Variants in KDM2B observed in about 807,000 individuals in gnomAD.
KDM2B encodes the protein lysine-specific demethylase 2B.
A neutral mutation model predicts 150.0 loss-of-function variants in KDM2B; 26 were observed. The ratio of observed to expected loss-of-function variants is 0.17; its 90% CI spans 0.13 to 0.24. KDM2B has a LOEUF of 0.24. Ranked by LOEUF, KDM2B falls within the 10% of genes least tolerant of loss-of-function variation. KDM2B has a pLI of 1.00. For missense variants in KDM2B, 1,265 were observed against 1,816.9 expected (o/e 0.70, Z 5.52); for synonymous variants, 734 against 729.5 (o/e 1.01, Z -0.10).
chr12:121,467,268 C>G lies in KDM2B; in HGVS notation c.1735-13924G>C. ...GACATGGCTGGAGCGGCGCCGCCGC[C>G]GCCGCCCGCCCGGAGCAGGCTCGGC... On this transcript the variant is annotated intron_variant, in intron 12 of 22. Coordinates refer to ENST00000377071, the MANE Select transcript of KDM2B (RefSeq NM_032590.5). This position sits in a 1 kb window ranked among gnomAD's most constrained non-coding sequence, Gnocchi z 5.1. 2 of 987,494 alleles carry G rather than the reference C, an allele frequency of 2.0e-6. No individual in the cohort carries two copies. The highest frequency in any genetic ancestry group is 2.4e-6 in the Non-Finnish European group (2 of 831,670). The allele number at this position is 987,494 out of a possible 1,614,324, so 61.2% of individuals were successfully genotyped here.
chr12:121,494,752 A>G, intron 11 of KDM2B, 87 bp from the exon 12 acceptor site: 1 of 985,710 alleles, frequency 1.0e-6, no homozygotes, highest in South Asian at 1.7e-5. Context: ...TCCAGCAAGG[A>G]TCACACTCCA....
intron 17 of KDM2B, 133 bp from the exon 18 acceptor site, chr12:121,443,163 A>T: frequency 1.2e-6 from 1 of 814,684 alleles, no homozygotes; most frequent in African/African-American, 1.7e-5. Flanking sequence ...CACAAATGCC[A>T]TCTCCACGTC....
intron 12 of KDM2B, among the ~76,000 whole-genome samples, chr12:121,489,585 G>A (rs57304385): frequency 0.026 from 3,984 of 152,206 alleles, 162 homozygotes; most frequent in East Asian, 0.081. Context: ...GACTACAGGC[G>A]CCTGCCACCA....
intron 6 of KDM2B, among the ~76,000 whole-genome samples, chr12:121,538,960 C>T (rs1234660099): frequency 6.6e-6 from 1 of 152,070 alleles, no homozygotes; most frequent in Non-Finnish European, 1.5e-5. Context: ...CTCAAGGTCA[C>T]CAGAGTCCCC....
At chr12:121,439,380 C>CTTTT (rs530764831) in intron 22 of KDM2B, among the ~76,000 whole-genome samples, 1 of 129,570 alleles carries the variant, frequency 7.7e-6, no homozygotes. Flanking sequence ...CCAATGGTAA[C>CTTTT]TTTTTTTTTT....
chr12:121,495,180 T>C (rs1293951059), intron 11 of KDM2B, among the ~76,000 whole-genome samples: 2 of 151,406 alleles, frequency 1.3e-5, no homozygotes, highest in African/African-American at 2.4e-5. Flanking sequence ...TTTTTTTTTT[T>C]AGACAAAGTC....
intron 4 of KDM2B, among the ~76,000 whole-genome samples, chr12:121,570,911 C>T (rs1487406622): frequency 6.6e-6 from 1 of 152,118 alleles, no homozygotes; most frequent in Non-Finnish European, 1.5e-5. Flanking sequence ...AAAGTAGAAA[C>T]AACCAAAATG....
chr12:121,442,957 A>T lies in KDM2B; in HGVS notation c.2604+35T>A, dbSNP rs1555288983. 7 of 1,611,486 alleles carry T rather than the reference A, an allele frequency of 4.3e-6. No individual in the cohort carries two copies. In the South Asian group the frequency reaches 7.7e-5, roughly 18 times the overall value. On this transcript the variant is annotated intron_variant, in intron 18 of 22. Coordinates refer to ENST00000377071, the MANE Select transcript of KDM2B (RefSeq NM_032590.5). This position sits in a 1 kb window ranked among gnomAD's most constrained non-coding sequence, Gnocchi z 7.7. ...AGCTGCGGTGCAGCTCTAACCGCTCAGGCCTGGGGCACAGGAGGGAGGGGA... is the reference window on the plus strand; with the variant it reads ...AGCTGCGGTGCAGCTCTAACCGCTCTGGCCTGGGGCACAGGAGGGAGGGGA...
chr12:121,417,709 T>C, the KDM2B span: 1 of 1,614,228 alleles, frequency 6.2e-7, no homozygotes, highest in East Asian at 2.2e-5. The surrounding 1 kb of genome is among the most constrained non-coding windows in gnomAD (Gnocchi z 5.0). Flanking sequence ...GAAGACTTGG[T>C]GGATCTAGTA....
At chr12:121,435,443 T>C (rs1247264654) in intron 22 of KDM2B, among the ~76,000 whole-genome samples, 1 of 152,214 alleles carries the variant, frequency 6.6e-6, no homozygotes. Flanking sequence ...GGTGTTTAGT[T>C]GTGATTTCTC....
At chr12:121,553,391 A>G (rs967295376) in intron 4 of KDM2B, among the ~76,000 whole-genome samples, 1 of 152,102 alleles carries the variant, frequency 6.6e-6, no homozygotes, top group Non-Finnish European at 1.5e-5. Context: ...AATAGGATAA[A>G]GAGCACTAAA....
chr12:121,441,061 A>G lies in KDM2B; in HGVS notation c.3448+9T>C. ...CAGACACACTCGGGGCCACTGGCCC[A>G]GGGCTCACCAGGCAGCCGGTTGATG... On this transcript the variant is annotated intron_variant, in intron 20 of 22. Coordinates refer to ENST00000377071, the MANE Select transcript of KDM2B (RefSeq NM_032590.5). The G allele has an allele frequency of 6.2e-7, 1 of 1,614,050 alleles. No individual in the cohort carries two copies. Among genetic ancestry groups the G allele is most frequent in the Non-Finnish European group, 8.5e-7 (1 of 1,179,962 alleles).
At chr12:121,524,021 T>C (rs1437122187) in intron 8 of KDM2B, among the ~76,000 whole-genome samples, 1 of 152,178 alleles carries the variant, frequency 6.6e-6, no homozygotes, top group African/African-American at 2.4e-5. Context: ...AGTGGAACCA[T>C]GCTATTGAAT....
chr12:121,496,894 G>T (rs375672093), intron 11 of KDM2B, among the ~76,000 whole-genome samples: 5 of 151,452 alleles, frequency 3.3e-5, no homozygotes, highest in Non-Finnish European at 4.4e-5. Context: ...GGGATTGCAG[G>T]TGTGAGCCCC....
intron 6 of KDM2B, among the ~76,000 whole-genome samples, chr12:121,542,145 A>G (rs1323885049): frequency 2.0e-5 from 3 of 152,206 alleles, no homozygotes; most frequent in Non-Finnish European, 4.4e-5. Flanking sequence ...TTCTTGAACC[A>G]TTCACTATGG....
chr12:121,411,883 G>T, the KDM2B span, among the ~76,000 whole-genome samples: 1 of 152,166 alleles, frequency 6.6e-6, no homozygotes, highest in Non-Finnish European at 1.5e-5. Flanking sequence ...CTGCACTTCT[G>T]TTAACCCTGG....
intron 4 of KDM2B, among the ~76,000 whole-genome samples, chr12:121,557,391 C>A (rs562840748): frequency 6.6e-6 from 1 of 152,020 alleles, no homozygotes; most frequent in African/African-American, 2.4e-5. Context: ...GCGCCTACCA[C>A]CACTTCCGGC....
At chr12:121,460,460 G>A (rs757956381) in intron 12 of KDM2B, among the ~76,000 whole-genome samples, 5 of 152,216 alleles carry the variant, frequency 3.3e-5, no homozygotes, top group Admixed American at 1.3e-4. Context: ...GTGCAGTGGC[G>A]TGATCTCAGC....
At position 121,467,282 on chromosome 12, in the gene KDM2B, A is replaced by G; in HGVS notation, c.1735-13938T>C. 2 of 986,004 alleles carry G rather than the reference A, an allele frequency of 2.0e-6. No individual in the cohort carries two copies. The highest frequency in any genetic ancestry group is 2.4e-6 in the Non-Finnish European group (2 of 831,348). 61.1% of individuals were successfully genotyped at this position (986,004 alleles called of 1,614,324 possible). A position where few individuals can be genotyped will look rare whatever the true frequency, so the allele number is the denominator to read the frequency against. On this transcript the variant is annotated intron_variant, in intron 12 of 22. Coordinates refer to ENST00000377071, the MANE Select transcript of KDM2B (RefSeq NM_032590.5). This position sits in a 1 kb window ranked among gnomAD's most constrained non-coding sequence, Gnocchi z 5.1. ...GGCGCCGCCGCCGCCGCCCGCCCGG[A>G]GCAGGCTCGGCTCGCCCTGGCTCGG...
Sources: allele counts gnomAD v4.1 joint callset (sites outside exome capture counted in the v4.1 genomes callset), GRCh38; gene constraint gnomAD v4.1.1; non-coding constraint Gnocchi (gnomAD v3.1); transcripts MANE v1.5; gene names NCBI Gene and HGNC (gene_info 2026-07-23, HGNC 2026-07-21).